SARDH: variants seen among roughly 807,000 people sequenced by gnomAD.
SARDH encodes sarcosine dehydrogenase, also known as sarcosine dehydrogenase, mitochondrial.
A neutral mutation model predicts 109.1 loss-of-function variants in SARDH; 95 were observed. The ratio of observed to expected loss-of-function variants is 0.87; its 90% confidence interval spans 0.74 to 1.03. The LOEUF is 1.03. Ranked by LOEUF, SARDH falls within the 50% of genes least tolerant of loss-of-function variation. The pLI is 0.00. For synonymous variants in SARDH, 572 were observed against 534.8 expected (o/e 1.07, Z -0.96); for missense variants, 1,267 against 1,287.8 (o/e 0.98, Z 0.25).
chr9:133,703,087 C>A, intron 12 of SARDH, 58 bp from the exon 13 acceptor site: 1 of 1,465,126 alleles, frequency 6.8e-7, no homozygotes. Flanking sequence ...CGCTTCCCTC[C>A]CCAGAGCGGG....
intron 2 of SARDH, among the ~76,000 whole-genome samples, chr9:133,732,885 T>C (rs1832738029): frequency 6.6e-6 from 1 of 152,196 alleles, no homozygotes; most frequent in Non-Finnish European, 1.5e-5. Context: ...AAGCCTGTCA[T>C]GCCCTATGAG....
rs1341413355 is a variant in SARDH at position 133,728,237 on chromosome 9, A to G, written c.915+1528T>C. 6.6e-6 allele frequency among the ~76,000 whole-genome samples: 1 copy of G among 152,154 alleles called. No homozygotes were observed. Among genetic ancestry groups the G allele is most frequent in the Admixed American group, 6.5e-5 (1 of 15,286 alleles). ...CAGAGGCAGCAGCGCACTGGGACCC[A>G]GGTTCCGGCCCCATTTCGCCACCCG... On this transcript the variant is annotated intron_variant, in intron 6 of 20. Coordinates refer to ENST00000439388, the MANE Select transcript of SARDH (RefSeq NM_001134707.2). This position sits in a 1 kb window ranked among gnomAD's most constrained non-coding sequence, Gnocchi z 5.0.
At chr9:133,711,878 C>T (rs994230238) in intron 10 of SARDH, among the ~76,000 whole-genome samples, 3 of 152,248 alleles carry the variant, frequency 2.0e-5, no homozygotes, top group Middle Eastern at 6.8e-3. Context: ...CTGTGTGGGT[C>T]GGAGAGGCCA....
chr9:133,737,930 G>C (rs1832937824), intron 1 of SARDH, among the ~76,000 whole-genome samples: 1 of 152,206 alleles, frequency 6.6e-6, no homozygotes, highest in Non-Finnish European at 1.5e-5. Context: ...CACAGGACTG[G>C]GGCCTCGAGC....
At chr9:133,735,223 G>A (rs879829169) in intron 1 of SARDH, among the ~76,000 whole-genome samples, 2 of 152,190 alleles carry the variant, frequency 1.3e-5, no homozygotes, top group Non-Finnish European at 2.9e-5. Flanking sequence ...AAAGCTCGGT[G>A]GGACTAAGGC....
At chr9:133,677,660 G>A (rs535100014) in intron 17 of SARDH, among the ~76,000 whole-genome samples, 4 of 152,322 alleles carry the variant, frequency 2.6e-5, no homozygotes, top group East Asian at 1.9e-4. Context: ...TTGTGATAGC[G>A]TGGACCCTGC....
chr9:133,662,369 C>T (rs977773120), downstream of SARDH, among the ~76,000 whole-genome samples: 4 of 152,132 alleles, frequency 2.6e-5, no homozygotes, highest in African/African-American at 4.8e-5. This position sits in a 1 kb window ranked among gnomAD's most constrained non-coding sequence, Gnocchi z 5.1. Flanking sequence ...ATGGCCAAAC[C>T]GCAGACCCGG....
At position 133,733,886 on chromosome 9, in the gene SARDH, C is replaced by G; in HGVS notation, c.288G>C (p.Leu96=). The part of the protein sequence containing the change: ...AKLGMSGAVL[L]ERERLTSGTT... ...TCCCGGAGGTCAGCCGCTCCCGCTC[C>G]AGCAGCACCGCCCCACTCATGCCCA... is the stretch of plus-strand genomic sequence containing the variant. The change falls in exon 2 of 21, where the codon CTG becomes CTC. Residue 96 remains leucine, a synonymous_variant. Transcript: ENST00000439388. The G allele has an allele frequency of 6.6e-7, 1 of 1,508,020 alleles. No homozygotes were observed. The highest frequency in any genetic ancestry group is 8.9e-7 in the Non-Finnish European group (1 of 1,128,602). The allele number at this position is 1,508,020 out of a possible 1,614,324, so 93.4% of individuals were successfully genotyped here.
intron 4 of SARDH, among the ~76,000 whole-genome samples, 190 bp from the exon 5 acceptor site, chr9:133,730,377 G>T (rs1832635007): frequency 6.6e-6 from 1 of 151,856 alleles, no homozygotes; most frequent in Non-Finnish European, 1.5e-5. Flanking sequence ...CCCATGCCTT[G>T]ACTTGGAGAA....
chr9:133,711,421 T>G (rs775840556), intron 10 of SARDH, among the ~76,000 whole-genome samples: 2 of 152,218 alleles, frequency 1.3e-5, no homozygotes, highest in African/African-American at 2.4e-5. Flanking sequence ...AGGAGGGGCC[T>G]GAATTGGCCC....
intron 16 of SARDH, 85 bp from the exon 17 acceptor site, chr9:133,685,371 TG>T: frequency 9.8e-7 from 1 of 1,021,810 alleles, no homozygotes; most frequent in Non-Finnish European, 1.5e-6. Context: ...CTGCCATGAG[TG>T]GGATAAGTCC....
chr9:133,704,861 G>A lies in SARDH; in HGVS notation c.1554+87C>T, dbSNP rs140936168. Reference sequence around the variant, plus strand: ...AACCACCTGGGGAGGCGGGGCACACGGAGGGGCAAGGACGGGGCACGTGGA... The same window carrying A: ...AACCACCTGGGGAGGCGGGGCACACAGAGGGGCAAGGACGGGGCACGTGGA... On this transcript the variant is annotated intron_variant, in intron 12 of 20. Transcript: ENST00000439388. This position sits in a 1 kb window ranked among gnomAD's most constrained non-coding sequence, Gnocchi z 4.5. 71 of 1,164,634 alleles carry A rather than the reference G, an allele frequency of 6.1e-5. No individual in the cohort carries two copies. In the African/African-American group the frequency reaches 8.1e-4, roughly 13 times the overall value. 72.1% of individuals were successfully genotyped at this position (1,164,634 alleles called of 1,614,324 possible).
chr9:133,712,910 G>A lies in SARDH; in HGVS notation c.1237+128C>T. On this transcript the variant is annotated intron_variant, in intron 9 of 20. Coordinates refer to ENST00000439388, the MANE Select transcript of SARDH (RefSeq NM_001134707.2). The surrounding 1 kb of genome is among the most constrained non-coding windows in gnomAD (Gnocchi z 4.1). ...ACTCTCTGGGAAGCAGAAGGGGCTG[G>A]ACTCCCCAGCCTCTCCTGTCCCCAC... 1 of 1,044,798 alleles carries A rather than the reference G, an allele frequency of 9.6e-7. No homozygotes were observed. The allele number at this position is 1,044,798 out of a possible 1,614,324, so 64.7% of individuals were successfully genotyped here.
In SARDH at chr9:133,666,659, G is replaced by T. The variant is rs527818568; in HGVS notation, c.2631+76C>A. 7.2e-6 allele frequency: 11 copies of T among 1,536,010 alleles called. No individual in the cohort carries two copies. The South Asian group carries it at 1.1e-4, about 15-fold the overall frequency. ...CCTCCCTATGCCCGGCACACTCAGG[G>T]TGCAGTGCAGGGAGCTGGTTTGGAG... On this transcript the variant is annotated intron_variant, in intron 20 of 20. Coordinates refer to ENST00000439388, the MANE Select transcript of SARDH (RefSeq NM_001134707.2). The surrounding 1 kb of genome is among the most constrained non-coding windows in gnomAD (Gnocchi z 5.2).
intron 1 of SARDH, among the ~76,000 whole-genome samples, chr9:133,736,297 C>G (rs1285627856): frequency 6.6e-6 from 1 of 152,240 alleles, no homozygotes; most frequent in Non-Finnish European, 1.5e-5. Flanking sequence ...ACCTAACTTT[C>G]AAAATGTTCT....
At chr9:133,683,033 C>A (rs993777450) in intron 17 of SARDH, among the ~76,000 whole-genome samples, 1 of 152,224 alleles carries the variant, frequency 6.6e-6, no homozygotes, top group Non-Finnish European at 1.5e-5. Flanking sequence ...ACCCCCTGCA[C>A]CCCCCACGCT....
chr9:133,695,416 C>G (rs995255175), intron 14 of SARDH, among the ~76,000 whole-genome samples: 9 of 152,194 alleles, frequency 5.9e-5, no homozygotes, highest in Admixed American at 1.3e-4. Flanking sequence ...GCACTCCAGC[C>G]TGAGCGACAG....
chr9:133,720,929 T>G (rs1017277357), intron 6 of SARDH, among the ~76,000 whole-genome samples: 1 of 151,830 alleles, frequency 6.6e-6, no homozygotes. Context: ...TAAAATTCAA[T>G]GGAAGGGCCA....
At chr9:133,674,571 A>C (rs1179669339) in intron 17 of SARDH, among the ~76,000 whole-genome samples, 1 of 152,254 alleles carries the variant, frequency 6.6e-6, no homozygotes, top group Admixed American at 6.5e-5. Flanking sequence ...AAGTTGGAGA[A>C]AGTGAAGTCA....
Sources: gnomAD v4.1 joint callset for allele counts (sites outside exome capture counted in the v4.1 genomes callset) on GRCh38, gnomAD v4.1.1 for gene constraint, Gnocchi (gnomAD v3.1) non-coding constraint, MANE v1.5 for transcripts, NCBI Gene and HGNC (gene_info 2026-07-23, HGNC 2026-07-21) for gene names.